The following PRRG4 variants were observed in gnomAD, a reference collection of about 807,000 sequenced individuals.
PRRG4 encodes the protein proline rich and Gla domain 4.
Under a neutral mutation model 20.0 loss-of-function variants are expected in PRRG4, and 12 were observed. That is an observed-to-expected ratio of 0.60 (90% CI 0.38 to 0.97). PRRG4 has a LOEUF of 0.97. Among genes scored for constraint, PRRG4 ranks in the 50% least tolerant of loss-of-function variants. PRRG4 has a pLI of 0.00. For missense variants in PRRG4, 199 were observed against 265.1 expected (o/e 0.75, Z 1.73); for synonymous variants, 94 against 96.4 (o/e 0.98, Z 0.15).
chr11:32,846,728 G>A (rs1411843859), intron 5 of PRRG4, among the ~76,000 whole-genome samples: 1 of 152,058 alleles, frequency 6.6e-6, no homozygotes, highest in Admixed American at 6.6e-5. Flanking sequence ...GGCCACACGC[G>A]GTGGCTCATG....
chr11:32,842,926 A>G (rs1851091816), intron 5 of PRRG4, among the ~76,000 whole-genome samples: 1 of 150,230 alleles, frequency 6.7e-6, no homozygotes, highest in South Asian at 2.1e-4. Context: ...ATCTCGGCTC[A>G]CTGCAACCTC....
intron 3 of PRRG4, 68 bp from the exon 4 acceptor site, chr11:32,838,814 C>A: frequency 2.6e-6 from 3 of 1,174,444 alleles, no homozygotes; most frequent in South Asian, 1.2e-5. Flanking sequence ...TAGTCTAGGT[C>A]ATTAGGACCA....
intron 2 of PRRG4, among the ~76,000 whole-genome samples, chr11:32,833,200 G>A (rs542192171): frequency 6.6e-6 from 1 of 152,320 alleles, no homozygotes; most frequent in South Asian, 2.1e-4. Flanking sequence ...GACAGAATCA[G>A]AACTTGCACA....
At chr11:32,848,865 G>A (rs965242038) in intron 5 of PRRG4, among the ~76,000 whole-genome samples, 2 of 151,784 alleles carry the variant, frequency 1.3e-5, no homozygotes, top group African/African-American at 2.4e-5. Flanking sequence ...CCAGCTACTC[G>A]GGAGGCTGTG....
chr11:32,840,365 T>C lies in PRRG4; in HGVS notation c.449+126T>C. ...TTTTATTTTGGAAGAATTTTAGATG[T>C]ATAGGGAAGTTGCAAAGGTTAATAC... is the stretch of plus-strand genomic sequence containing the variant. On this transcript the variant is annotated intron_variant, in intron 5 of 5. Transcript: ENST00000257836. The surrounding 1 kb of genome is among the most constrained non-coding windows in gnomAD (Gnocchi z 4.1). 1.4e-6 allele frequency: 1 copy of C among 697,470 alleles called. No homozygotes were observed. Among genetic ancestry groups the C allele is most frequent in the South Asian group, 2.1e-5 (1 of 47,660 alleles). The allele number at this position is 697,470 out of a possible 1,614,324, so 43.2% of individuals were successfully genotyped here.
intron 5 of PRRG4, among the ~76,000 whole-genome samples, chr11:32,846,028 T>C (rs1851127903): frequency 6.6e-6 from 1 of 151,916 alleles, no homozygotes; most frequent in East Asian, 1.9e-4. Context: ...TGTGGTGGTG[T>C]GTGCCTTTAT....
intron 5 of PRRG4, among the ~76,000 whole-genome samples, chr11:32,845,565 G>T (rs1021084465): frequency 2.6e-5 from 4 of 151,658 alleles, no homozygotes; most frequent in African/African-American, 9.7e-5. Context: ...CCGGGAGCTT[G>T]CAGTGAGCTG....
Position 32,853,689 on chromosome 11 carries a change from G to A in PRRG4, c.*162G>A, listed in dbSNP as rs773224839. 1.6e-5 allele frequency: 9 copies of A among 570,918 alleles called. No individual in the cohort carries two copies. Among genetic ancestry groups the A allele is most frequent in the South Asian group, 4.0e-5 (2 of 50,194 alleles). 35.4% of individuals were successfully genotyped at this position (570,918 alleles called of 1,614,324 possible). A position where few individuals can be genotyped will look rare whatever the true frequency, so the allele number is the denominator to read the frequency against. On this transcript the variant is annotated 3_prime_UTR_variant, in exon 6 of 6. Coordinates refer to ENST00000257836, the MANE Select transcript of PRRG4 (RefSeq NM_024081.6). ...CTAAAAATTCAAAAATTACCTAGGCGTCATGGGGCATGCCTGTAGTCCCAC... is the reference window on the plus strand; with the variant it reads ...CTAAAAATTCAAAAATTACCTAGGCATCATGGGGCATGCCTGTAGTCCCAC...
chr11:32,839,762 T>C (rs1039661588), intron 4 of PRRG4, among the ~76,000 whole-genome samples: 7 of 146,200 alleles, frequency 4.8e-5, no homozygotes, highest in Admixed American at 1.4e-4. Flanking sequence ...ATTTTGAATA[T>C]TATTAAAATA....
intron 4 of PRRG4, among the ~76,000 whole-genome samples, chr11:32,839,719 AATATATTTTGAATATTATTAAAATATAG>A (rs1565114612): frequency 2.2e-5 from 3 of 137,526 alleles, no homozygotes; most frequent in Admixed American, 2.2e-4. Flanking sequence ...TTAAAATATA[AATATATTTTGAATATTATTAAAATATAG>A]ATATATTTTG....
chr11:32,829,919 C>T (rs1357139544), upstream of PRRG4: 11 of 985,504 alleles, frequency 1.1e-5, no homozygotes, highest in African/African-American at 1.7e-5. Context: ...TAGCCGCCTC[C>T]TCCCGTCCTC....
rs1565113765 is a variant in PRRG4, at chr11:32,837,525, TGATGATG to T, written c.267+705_267+711del. 4.5e-3 allele frequency among the ~76,000 whole-genome samples: 501 copies of T among 110,466 alleles called. 1 individual carries two copies. Among genetic ancestry groups the T allele is most frequent in the African/African-American group, 0.017 (475 of 27,686 alleles). The allele number at this position is 110,466 out of a possible 152,430, so 72.5% of individuals were successfully genotyped here. ...CTAACTGAGATGATGATGATGATGATGATGATGATGATGATGATTATTATTATTATTA... is the reference window on the plus strand; with the variant it reads ...CTAACTGAGATGATGATGATGATGATATGATGATGATTATTATTATTATTA... On this transcript the variant is annotated intron_variant, in intron 3 of 5. Transcript: ENST00000257836.
intron 2 of PRRG4, among the ~76,000 whole-genome samples, chr11:32,833,927 G>A (rs920503336): frequency 3.3e-5 from 5 of 152,146 alleles, no homozygotes; most frequent in Non-Finnish European, 5.9e-5. Flanking sequence ...AGGTAGCATT[G>A]AACAAAATCC....
chr11:32,841,306 TTAA>T (rs1420747353), intron 5 of PRRG4, among the ~76,000 whole-genome samples: 2 of 152,214 alleles, frequency 1.3e-5, no homozygotes, highest in African/African-American at 4.8e-5. Flanking sequence ...GTCTTCTAAA[TTAA>T]TAATAGCTTT....
intron 1 of PRRG4, 103 bp from the exon 2 acceptor site, chr11:32,830,405 G>C (rs1017803499): frequency 3.0e-5 from 31 of 1,022,604 alleles, no homozygotes; most frequent in Admixed American, 1.1e-4. Context: ...GCGCTCTTGC[G>C]CCTAGGCTTT....
intron 3 of PRRG4, among the ~76,000 whole-genome samples, chr11:32,837,231 G>A (rs1311088700): frequency 1.3e-5 from 2 of 151,980 alleles, no homozygotes; most frequent in East Asian, 3.9e-4. Context: ...TGTCCTATCG[G>A]TGACCTTACC....
intron 4 of PRRG4, among the ~76,000 whole-genome samples, chr11:32,839,278 G>A (rs1590671011): frequency 6.6e-6 from 1 of 152,134 alleles, no homozygotes; most frequent in Non-Finnish European, 1.5e-5. Flanking sequence ...AAAGGCAGAT[G>A]GAACATTTAT....
intron 5 of PRRG4, among the ~76,000 whole-genome samples, chr11:32,853,068 G>A (rs547912475): frequency 6.1e-4 from 92 of 151,194 alleles, no homozygotes; most frequent in Non-Finnish European, 9.9e-4. Context: ...GATTACAGGC[G>A]TGAGCCACCA....
rs1289071491 is a variant in PRRG4, at chr11:32,847,249, A to C, written c.450-6047A>C. ...ACCCGGCCAAAATAGTTTATATTTT[A>C]AAGATAGCTCAAGAAAGGATAAAAC... On this transcript the variant is annotated intron_variant, in intron 5 of 5. Coordinates refer to ENST00000257836, the MANE Select transcript of PRRG4 (RefSeq NM_024081.6). 2.0e-5 allele frequency among the ~76,000 whole-genome samples: 3 copies of C among 152,204 alleles called. No homozygotes were observed. The East Asian group carries it at 5.8e-4, about 30-fold the overall frequency.
Sources: gnomAD v4.1 joint callset for allele counts (sites outside exome capture counted in the v4.1 genomes callset) on GRCh38, gnomAD v4.1.1 for gene constraint, Gnocchi (gnomAD v3.1) non-coding constraint, MANE v1.5 for transcripts, NCBI Gene and HGNC (gene_info 2026-07-23, HGNC 2026-07-21) for gene names.